The following AMZ1 variants were observed in gnomAD, a reference collection of about 807,000 sequenced individuals.
AMZ1 encodes archaemetzincin-1.
A neutral mutation model predicts 29.9 loss-of-function variants in AMZ1; 39 were observed. That is an observed-to-expected ratio of 1.30 (90% CI 1.01 to 1.70). AMZ1 has a LOEUF of 1.70. Ranked by LOEUF, AMZ1 falls within the 40% of genes most tolerant of loss-of-function variation. The pLI, the probability that AMZ1 is intolerant of heterozygous loss-of-function variation, is 0.00. For synonymous variants in AMZ1, 458 were observed against 304.0 expected (o/e 1.51, Z -5.27); for missense variants, 1,041 against 680.6 (o/e 1.53, Z -5.89).
intron 4 of AMZ1, among the ~76,000 whole-genome samples, chr7:2,727,513 C>G (rs1323726935): frequency 6.6e-6 from 1 of 152,122 alleles, no homozygotes; most frequent in Non-Finnish European, 1.5e-5. Context: ...GTAGCTGGCA[C>G]TACAAGCATG....
At chr7:2,736,435 G>C (rs544920951) in intron 4 of AMZ1, among the ~76,000 whole-genome samples, 51 of 121,730 alleles carry the variant, frequency 4.2e-4, no homozygotes, top group African/African-American at 1.4e-3. Flanking sequence ...CACCTGACAG[G>C]GGCCTGTCCC....
chr7:2,699,932 C>T (rs573787451), intron 1 of AMZ1, among the ~76,000 whole-genome samples: 1 of 152,234 alleles, frequency 6.6e-6, no homozygotes, highest in African/African-American at 2.4e-5. Context: ...CCTGCCCCTG[C>T]CGAGTGGGAG....
intron 4 of AMZ1, among the ~76,000 whole-genome samples, chr7:2,725,007 T>G (rs1162631396): frequency 6.6e-6 from 1 of 152,166 alleles, no homozygotes; most frequent in Non-Finnish European, 1.5e-5. Flanking sequence ...ACCCACTTCC[T>G]ACCCCTCACC....
At position 2,691,610 on chromosome 7, in the gene AMZ1, G is replaced by A. The variant is rs370212360; in HGVS notation, c.-219+3314G>A. Among the ~76,000 whole-genome samples, 164 of 144,264 alleles carry A rather than the reference G, an allele frequency of 1.1e-3. 14 individuals are homozygous for A. Among genetic ancestry groups the A allele is most frequent in the African/African-American group, 4.5e-3 (159 of 34,946 alleles). 94.6% of individuals were successfully genotyped at this position (144,264 alleles called of 152,430 possible). ...ACAAAAATAAGCTGGGTGTGGTCGTGAGCGCCTGCAGTCCCAGCTGTTCGG... is the reference window on the plus strand; with the variant it reads ...ACAAAAATAAGCTGGGTGTGGTCGTAAGCGCCTGCAGTCCCAGCTGTTCGG... On this transcript the variant is annotated intron_variant, in intron 1 of 6. Transcript: ENST00000683327.
At chr7:2,740,009 C>A (rs1301458678) in intron 4 of AMZ1, among the ~76,000 whole-genome samples, 1 of 152,110 alleles carries the variant, frequency 6.6e-6, no homozygotes, top group Non-Finnish European at 1.5e-5. Context: ...TTCTGAAGAC[C>A]ACCAAGCTGT....
At chr7:2,702,640 C>T (rs943763016) in intron 2 of AMZ1, 82 bp from the exon 3 acceptor site, 292 of 1,433,044 alleles carry the variant, frequency 2.0e-4, no homozygotes, top group Middle Eastern at 1.5e-3. Flanking sequence ...CCCAGCAGGC[C>T]GGTGTCTGCG....
At chr7:2,722,428 A>G (rs1789462951), downstream of AMZ1, among the ~76,000 whole-genome samples, 1 of 152,002 alleles carries the variant, frequency 6.6e-6, no homozygotes, top group South Asian at 2.1e-4. Context: ...GCCCGCCACC[A>G]TGCCCGGCTA....
chr7:2,709,182 C>G lies in AMZ1; in HGVS notation c.709C>G (p.Pro237Ala). The change falls in exon 5 of 7, where the codon CCC becomes GCC. Residue 237 changes from proline (P) to alanine (A), a missense_variant. Coordinates refer to ENST00000683327, the MANE Select transcript of AMZ1 (RefSeq NM_001384743.1). ...VEAAADGPEA[P>A]LQDRGWALCF... ...GGCAGCAGCAGACGGCCCCGAGGCC[C>G]CCCTGCAGGACAGGGGCTGGGCCCT... 6.5e-7 allele frequency: 1 copy of G among 1,542,140 alleles called. No homozygotes were observed. Among genetic ancestry groups the G allele is most frequent in the African/African-American group, 1.4e-5 (1 of 72,382 alleles).
intron 4 of AMZ1, among the ~76,000 whole-genome samples, chr7:2,737,058 G>A (rs192220748): frequency 2.4e-4 from 37 of 152,262 alleles, no homozygotes; most frequent in Non-Finnish European, 5.1e-4. Flanking sequence ...CTGACAGGGT[G>A]TGCATTAAAG....
At position 2,712,771 on chromosome 7, in the gene AMZ1, C is replaced by G. The variant is rs201069985; in HGVS notation, c.1390C>G (p.Arg464Gly). 1 of 1,590,780 alleles carries G rather than the reference C, an allele frequency of 6.3e-7. No individual in the cohort carries two copies. The stretch of plus-strand genomic sequence containing the variant: ...CAGCAGCAGGGACAGCGTGGGGCTG[C>G]GCAAGGTGCTGGGGGACAAGTTCTC... The part of the protein sequence containing the change: ...PPSSRDSVGL[R>G]KVLGDKFSSL... The change falls in exon 7 of 7, where the codon CGC (arginine) becomes GGC (glycine). Residue 464 changes from arginine (R) to glycine (G), a missense_variant. Arg to Gly is a moderately radical substitution (Grantham distance 125). Coordinates refer to ENST00000683327, the MANE Select transcript of AMZ1 (RefSeq NM_001384743.1).
At chr7:2,762,476 C>T (rs1281022485), upstream of AMZ1, 4 of 674,216 alleles carry the variant, frequency 5.9e-6, no homozygotes, top group Non-Finnish European at 4.7e-6. Flanking sequence ...TGAACCCACC[C>T]GTGTGCGGGG....
chr7:2,727,474 C>G (rs1203808369), intron 4 of AMZ1, among the ~76,000 whole-genome samples: 1 of 152,124 alleles, frequency 6.6e-6, no homozygotes, highest in African/African-American at 2.4e-5. Flanking sequence ...CTCCTGGGCT[C>G]AAACGATCCT....
At chr7:2,696,463 T>TTC (rs1787744802) in intron 1 of AMZ1, among the ~76,000 whole-genome samples, 1 of 150,896 alleles carries the variant, frequency 6.6e-6, no homozygotes, top group African/African-American at 2.4e-5. Context: ...TTCACCATGT[T>TTC]AGCCAGGATG....
chr7:2,692,064 C>T lies in AMZ1; in HGVS notation c.-219+3768C>T, dbSNP rs539938830. Among the ~76,000 whole-genome samples, 19 of 152,276 alleles carry T rather than the reference C, an allele frequency of 1.2e-4. 1 individual carries two copies. Among genetic ancestry groups the T allele is most frequent in the Non-Finnish European group, 1.6e-4 (11 of 68,022 alleles). On this transcript the variant is annotated intron_variant, in intron 1 of 6. Transcript: ENST00000683327. The stretch of plus-strand genomic sequence containing the variant: ...AGTGGAAGGTCTGGGAGCGAGAAGC[C>T]GGTGAGCAGGTCATGTCACCGGTAC...
chr7:2,700,220 C>A lies in AMZ1; in HGVS notation c.-218-14C>A. 1 of 579,196 alleles carries A rather than the reference C, an allele frequency of 1.7e-6. No individual in the cohort carries two copies. Among genetic ancestry groups the A allele is most frequent in the Non-Finnish European group, 3.1e-6 (1 of 326,640 alleles). 35.9% of individuals were successfully genotyped at this position (579,196 alleles called of 1,614,324 possible). On this transcript the variant is annotated splice_polypyrimidine_tract_variant and intron_variant, in intron 1 of 6. Transcript: ENST00000683327. The stretch of plus-strand genomic sequence containing the variant: ...GCTCGGCAGTGAGGGGACCCCTGTT[C>A]GTGTCATCCACAGGGTGCTGTGGGC...
At position 2,708,670 on chromosome 7, in the gene AMZ1, C is replaced by T. The variant is rs779553598; in HGVS notation, c.555C>T (p.Pro185=). 23 of 1,613,222 alleles carry T rather than the reference C, an allele frequency of 1.4e-5. No individual in the cohort carries two copies. The South Asian group carries it at 1.5e-4, about 11-fold the overall frequency. ...VLGLTLSDLY[P]HEAWSFTFSK... ...GCCTCACACTGTCTGACCTGTACCC[C>T]CATGAGGCCTGGAGCTTCACCTTCA... Residue 185 remains proline (P), a synonymous_variant, in exon 4 of 7, where the codon CCC becomes CCT. Transcript: ENST00000683327.
rs1217056240 is a variant in AMZ1 at position 2,709,790 on chromosome 7, G to C, written c.922G>C (p.Gly308Arg). ...CCTGAGGAAGCTGCAGCATGTCCTG[G>C]GTTTCAGGCTCATCGAGAGGTACCA... ...ICLRKLQHVLGFRLIERYQRL... is the reference protein window; with the variant it reads ...ICLRKLQHVLRFRLIERYQRL... The change falls in exon 6 of 7, where the codon GGT becomes CGT. Residue 308 changes from glycine (G) to arginine (R), a missense_variant. Coordinates refer to ENST00000683327, the MANE Select transcript of AMZ1 (RefSeq NM_001384743.1). 1 of 1,612,112 alleles carries C rather than the reference G, an allele frequency of 6.2e-7. No individual in the cohort carries two copies. The highest frequency in any genetic ancestry group is 8.5e-7 in the Non-Finnish European group (1 of 1,179,860).
Position 2,702,718 on chromosome 7 carries a change from C to A in AMZ1, c.305-4C>A. 6.5e-7 allele frequency: 1 copy of A among 1,531,696 alleles called. No homozygotes were observed. The highest frequency in any genetic ancestry group is 8.8e-7 in the Non-Finnish European group (1 of 1,141,496). 94.9% of individuals were successfully genotyped at this position (1,531,696 alleles called of 1,614,324 possible). ...CAGGGCTGACGGTGCTGCTCTCCCA[C>A]CAGACCTGAGCGAGGAGCCGGTGGG... On this transcript the variant is annotated splice_region_variant and splice_polypyrimidine_tract_variant and intron_variant, in intron 2 of 6. Coordinates refer to ENST00000683327, the MANE Select transcript of AMZ1 (RefSeq NM_001384743.1).
chr7:2,687,480 T>C (rs1365735404), upstream of AMZ1, among the ~76,000 whole-genome samples: 1 of 152,216 alleles, frequency 6.6e-6, no homozygotes, highest in East Asian at 1.9e-4. Context: ...TGGGAGGGTT[T>C]GCAGAGAGGA....
Sources: allele counts gnomAD v4.1 joint callset (sites outside exome capture counted in the v4.1 genomes callset), GRCh38; gene constraint gnomAD v4.1.1; transcripts MANE v1.5; gene names NCBI Gene and HGNC (gene_info 2026-07-23, HGNC 2026-07-21).